The following TMEM132B variants were observed in gnomAD, a reference collection of about 807,000 sequenced individuals.
TMEM132B encodes the protein transmembrane protein 132B.
In TMEM132B, 18 loss-of-function variants were observed where a neutral mutation model predicts 90.8. The observed-to-expected ratio is 0.20, with a 90% CI of 0.14 to 0.29. TMEM132B has a LOEUF of 0.29. Ranked by LOEUF, TMEM132B falls within the 10% of genes least tolerant of loss-of-function variation. The pLI is 1.00. For missense variants in TMEM132B, 1,096 were observed against 1,326.8 expected (o/e 0.83, Z 2.70); for synonymous variants, 504 against 523.3 (o/e 0.96, Z 0.50).
intron 1 of TMEM132B, among the ~76,000 whole-genome samples, chr12:125,265,222 A>G (rs575620153): frequency 4.6e-5 from 7 of 152,246 alleles, no homozygotes; most frequent in Non-Finnish European, 8.8e-5. Flanking sequence ...ATGTAGATAT[A>G]GTATTCCCCG....
At chr12:125,432,907 C>A (rs1880584024) in intron 3 of TMEM132B, among the ~76,000 whole-genome samples, 2 of 152,292 alleles carry the variant, frequency 1.3e-5, no homozygotes, top group South Asian at 4.1e-4. Context: ...GCTCCACAGA[C>A]ACACTTCGTA....
In TMEM132B at chr12:125,459,271, A is replaced by G. The variant is rs914833578; in HGVS notation, c.1106+43594A>G. Among the ~76,000 whole-genome samples the G allele has an allele frequency of 1.3e-5, 2 of 152,160 alleles. No individual in the cohort carries two copies. Among genetic ancestry groups the G allele is most frequent in the South Asian group, 4.2e-4 (2 of 4,810 alleles). ...GAACCGCCAGCATGTCCTTGGCTCA[A>G]GTCACTCTGGAGGTCCCAGGAGTAT... is the stretch of plus-strand genomic sequence containing the variant. On this transcript the variant is annotated intron_variant, in intron 3 of 8. Coordinates refer to ENST00000682704, the MANE Select transcript of TMEM132B (RefSeq NM_001366854.1). The surrounding 1 kb of genome is among the most constrained non-coding windows in gnomAD (Gnocchi z 4.1).
chr12:125,341,066 C>T (rs1877164214), intron 1 of TMEM132B, among the ~76,000 whole-genome samples: 1 of 152,194 alleles, frequency 6.6e-6, no homozygotes, highest in Admixed American at 6.5e-5. Context: ...CAATTCAGAG[C>T]CACATATGCA....
intron 2 of TMEM132B, among the ~76,000 whole-genome samples, chr12:125,393,041 C>A (rs373601897): frequency 6.6e-6 from 1 of 152,146 alleles, no homozygotes; most frequent in Admixed American, 6.5e-5. Flanking sequence ...AGACCGTTTG[C>A]GACTAGAAGC....
At chr12:125,432,429 G>T (rs1436141619) in intron 3 of TMEM132B, among the ~76,000 whole-genome samples, 1 of 64,208 alleles carries the variant, frequency 1.6e-5, no homozygotes, top group Non-Finnish European at 3.3e-5. Flanking sequence ...ATATGTATGT[G>T]TATATATATG....
rs114572476 is a variant in TMEM132B, at chr12:125,458,863, C to T, written c.1106+43186C>T. Among the ~76,000 whole-genome samples, 249 of 152,286 alleles carry T rather than the reference C, an allele frequency of 1.6e-3. 2 individuals are homozygous for T. The highest frequency in any genetic ancestry group is 5.8e-3 in the African/African-American group (239 of 41,554). On this transcript the variant is annotated intron_variant, in intron 3 of 8. Coordinates refer to ENST00000682704, the MANE Select transcript of TMEM132B (RefSeq NM_001366854.1). This position sits in a 1 kb window ranked among gnomAD's most constrained non-coding sequence, Gnocchi z 4.9. The stretch of plus-strand genomic sequence containing the variant: ...TCCTGTCATCACTTGACCTGGCTGT[C>T]TTTATTTTAGTTCCATGCTATGACA...
Position 125,654,098 on chromosome 12 carries a change from A to G in TMEM132B, c.2640A>G (p.Gln880=). Residue 880 remains glutamine, a synonymous_variant, in exon 9 of 9, where the codon CAA becomes CAG. Transcript: ENST00000682704. This position sits in a 1 kb window ranked among gnomAD's most constrained non-coding sequence, Gnocchi z 5.8. ...GPDAFTSFPT[Q]GKSPDPNNPS... ...ATGCCTTTACAAGCTTCCCCACTCAAGGGAAGTCACCGGACCCCAATAATC... is the reference window on the plus strand; with the variant it reads ...ATGCCTTTACAAGCTTCCCCACTCAGGGGAAGTCACCGGACCCCAATAATC... 6.2e-7 allele frequency: 1 copy of G among 1,614,166 alleles called. No individual in the cohort carries two copies. Among genetic ancestry groups the G allele is most frequent in the South Asian group, 1.1e-5 (1 of 91,076 alleles).
intron 5 of TMEM132B, among the ~76,000 whole-genome samples, chr12:125,592,266 C>G (rs1293947345): frequency 6.6e-6 from 1 of 152,270 alleles, no homozygotes; most frequent in South Asian, 2.1e-4. Flanking sequence ...TTCAGAACCA[C>G]AGAAGCCAGT....
Position 125,654,373 on chromosome 12 carries a change from A to G in TMEM132B, c.2915A>G (p.Glu972Gly). 1.2e-6 allele frequency: 2 copies of G among 1,613,028 alleles called. No individual in the cohort carries two copies. The highest frequency in any genetic ancestry group is 1.7e-6 in the Non-Finnish European group (2 of 1,180,026). The part of the protein sequence containing the change: ...NPVDITLPSE[E>G]CTTMIDRGLQ... ...GTTGACATTACACTCCCATCAGAGG[A>G]GTGCACAACCATGATAGACAGGGGC... Residue 972 changes from glutamate to glycine, a missense_variant, in exon 9 of 9, where the codon GAG becomes GGG. Glu to Gly is a moderately conservative substitution (Grantham distance 98). Transcript: ENST00000682704. This position sits in a 1 kb window ranked among gnomAD's most constrained non-coding sequence, Gnocchi z 5.8.
intron 1 of TMEM132B, among the ~76,000 whole-genome samples, chr12:125,285,356 C>T (rs974278760): frequency 6.6e-6 from 1 of 152,160 alleles, no homozygotes; most frequent in East Asian, 1.9e-4. Flanking sequence ...GAGGCAAAGA[C>T]ATAGCTAAAG....
intron 5 of TMEM132B, 49 bp from the exon 6 acceptor site, chr12:125,644,026 CT>C: frequency 6.4e-7 from 1 of 1,554,166 alleles, no homozygotes; most frequent in Non-Finnish European, 8.9e-7. Flanking sequence ...TTGTTTTTTC[CT>C]TGTGCTTTTC....
At chr12:125,464,715 A>G (rs936228840) in intron 3 of TMEM132B, among the ~76,000 whole-genome samples, 9 of 152,214 alleles carry the variant, frequency 5.9e-5, no homozygotes, top group Admixed American at 2.0e-4. Flanking sequence ...TTGGTGTTCC[A>G]TTGTAATTTC....
At chr12:125,307,813 A>ATTACAAGT in intron 1 of TMEM132B, among the ~76,000 whole-genome samples, 1 of 22,082 alleles carries the variant, frequency 4.5e-5, no homozygotes, top group East Asian at 1.3e-3. Flanking sequence ...ATATACTTAT[A>ATTACAAGT]ATACTTATAA....
chr12:125,248,517 G>A (rs906563591), intron 1 of TMEM132B, among the ~76,000 whole-genome samples: 4 of 152,130 alleles, frequency 2.6e-5, no homozygotes, highest in Admixed American at 6.5e-5. Context: ...TTTATATAGC[G>A]TTTGATAGAG....
chr12:125,217,291 T>C (rs528894391), intron 1 of TMEM132B, among the ~76,000 whole-genome samples: 1 of 152,210 alleles, frequency 6.6e-6, no homozygotes, highest in Non-Finnish European at 1.5e-5. Context: ...GGGGGCCGGG[T>C]ACATGGCTGG....
At chr12:125,624,898 A>G (rs1461925156) in intron 5 of TMEM132B, among the ~76,000 whole-genome samples, 4 of 152,150 alleles carry the variant, frequency 2.6e-5, no homozygotes, top group African/African-American at 7.2e-5. Context: ...CTTTTTGTGT[A>G]GAACTCTATG....
In TMEM132B at chr12:125,340,129, G is replaced by A. The variant is rs912703360; in HGVS notation, c.68-9323G>A. On this transcript the variant is annotated intron_variant, in intron 1 of 8. Transcript: ENST00000682704. The stretch of plus-strand genomic sequence containing the variant: ...TATACAAACACAGTTTGGAGAAAGT[G>A]GCTAGCTATTTGGGAAAGCAATTTC... Among the ~76,000 whole-genome samples the A allele has an allele frequency of 1.1e-4, 17 of 152,250 alleles. No homozygotes were observed. In the South Asian group the frequency reaches 3.5e-3, roughly 32 times the overall value.
chr12:125,563,598 C>CAAACAAAAAAAA (rs774597550), intron 4 of TMEM132B, among the ~76,000 whole-genome samples: 10 of 150,294 alleles, frequency 6.7e-5, no homozygotes, highest in African/African-American at 2.2e-4. Context: ...AACAAACAAA[C>CAAACAAAAAAAA]AAAAAAAAAC....
intron 3 of TMEM132B, among the ~76,000 whole-genome samples, chr12:125,506,231 C>G (rs1426227784): frequency 2.6e-5 from 4 of 152,166 alleles, no homozygotes; most frequent in Non-Finnish European, 2.9e-5. Context: ...ATGGATTAAC[C>G]ATCAAAGCCT....
Sources: allele counts gnomAD v4.1 joint callset (sites outside exome capture counted in the v4.1 genomes callset), GRCh38; gene constraint gnomAD v4.1.1; non-coding constraint Gnocchi (gnomAD v3.1); transcripts MANE v1.5; gene names NCBI Gene and HGNC (gene_info 2026-07-23, HGNC 2026-07-21).